Variants in LRMDA observed in about 807,000 individuals in gnomAD.
The protein encoded by LRMDA is leucine rich melanocyte differentiation associated.
A neutral mutation model predicts 29.8 loss-of-function variants in LRMDA; 18 were observed. The observed-to-expected ratio is 0.60, with a 90% CI of 0.42 to 0.90. The LOEUF is 0.90. Among genes scored for constraint, LRMDA ranks in the 40% least tolerant of loss-of-function variants. LRMDA has a pLI of 0.00. For synonymous variants in LRMDA, 125 were observed against 109.4 expected (o/e 1.14, Z -0.89); for missense variants, 273 against 273.9 (o/e 1.00, Z 0.02).
intron 5 of LRMDA, among the ~76,000 whole-genome samples, chr10:76,163,571 A>G (rs769689801): frequency 6.6e-6 from 1 of 152,172 alleles, no homozygotes; most frequent in Non-Finnish European, 1.5e-5. Context: ...AGTAGACAGA[A>G]GACATCTTTC....
chr10:75,527,733 T>C (rs1006518148), intron 2 of LRMDA, among the ~76,000 whole-genome samples: 36 of 147,262 alleles, frequency 2.4e-4, no homozygotes, highest in East Asian at 1.2e-3. Flanking sequence ...AATTATATAA[T>C]AATTATAATA....
At chr10:75,614,950 A>G (rs909403490) in intron 2 of LRMDA, among the ~76,000 whole-genome samples, 4 of 152,226 alleles carry the variant, frequency 2.6e-5, no homozygotes. Flanking sequence ...GTGCTCACCA[A>G]GCCTAGACCA....
rs182522805 is a variant in LRMDA, at chr10:76,283,994, T to C, written c.517-40407T>C. ...TGTTTTACTGCTGTTAGACAGAGAATATGAATGTAATTAGGGAGGCAATTC... is the reference window on the plus strand; with the variant it reads ...TGTTTTACTGCTGTTAGACAGAGAACATGAATGTAATTAGGGAGGCAATTC... On this transcript the variant is annotated intron_variant, in intron 5 of 6. Transcript: ENST00000611255. Among the ~76,000 whole-genome samples the C allele has an allele frequency of 7.6e-4, 115 of 152,230 alleles. 2 individuals carry two copies. The highest frequency in any genetic ancestry group is 2.7e-3 in the African/African-American group (114 of 41,550).
chr10:76,363,261 A>G (rs1322618014), intron 6 of LRMDA, among the ~76,000 whole-genome samples: 2 of 63,508 alleles, frequency 3.1e-5, no homozygotes, highest in East Asian at 5.2e-4. Flanking sequence ...GAAAGAAGGA[A>G]GGAAGGAAGG....
intron 5 of LRMDA, among the ~76,000 whole-genome samples, chr10:76,102,611 A>G (rs1332426555): frequency 3.3e-5 from 5 of 152,124 alleles, no homozygotes; most frequent in Admixed American, 6.5e-5. Flanking sequence ...TAAATGTACC[A>G]TATTTGCTTT....
At chr10:75,510,967 GT>G (rs1407228675) in intron 2 of LRMDA, among the ~76,000 whole-genome samples, 2 of 152,176 alleles carry the variant, frequency 1.3e-5, no homozygotes, top group Non-Finnish European at 2.9e-5. Flanking sequence ...CATGGTAACA[GT>G]CCCCCTTTTC....
At chr10:75,494,006 G>A (rs1589159778) in intron 2 of LRMDA, among the ~76,000 whole-genome samples, 4 of 152,072 alleles carry the variant, frequency 2.6e-5, no homozygotes, top group African/African-American at 9.6e-5. Context: ...CTCCCACCTT[G>A]GCCTCCTGAA....
In LRMDA at chr10:76,453,144, A is replaced by G. The variant is rs923348994; in HGVS notation, c.602-104065A>G. 5.9e-5 allele frequency among the ~76,000 whole-genome samples: 9 copies of G among 152,250 alleles called. 1 individual carries two copies. Among genetic ancestry groups the G allele is most frequent in the Admixed American group, 2.6e-4 (4 of 15,292 alleles). On this transcript the variant is annotated intron_variant, in intron 6 of 6. Transcript: ENST00000611255. The stretch of plus-strand genomic sequence containing the variant: ...AAGATAGTCATCATTAGCAGTGACC[A>G]GGATTCCCTGCAGGGCACAGTTCCA...
intron 6 of LRMDA, among the ~76,000 whole-genome samples, chr10:76,441,568 A>G (rs549464808): frequency 5.3e-5 from 8 of 152,324 alleles, no homozygotes; most frequent in East Asian, 3.9e-4. Flanking sequence ...ACGGTCATTC[A>G]TGTTCCCCAT....
chr10:76,474,639 A>G (rs886774747), intron 6 of LRMDA, among the ~76,000 whole-genome samples: 2 of 151,738 alleles, frequency 1.3e-5, no homozygotes, highest in African/African-American at 4.8e-5. Context: ...CAACATCATT[A>G]GCCATTAGGA....
chr10:76,052,663 G>T (rs544228188), intron 4 of LRMDA, among the ~76,000 whole-genome samples: 18 of 152,214 alleles, frequency 1.2e-4, no homozygotes, highest in Non-Finnish European at 2.1e-4. Context: ...CATTCTATGT[G>T]AGAAGAAAGA....
At chr10:75,783,754 G>A (rs1041739049) in intron 2 of LRMDA, among the ~76,000 whole-genome samples, 8 of 152,148 alleles carry the variant, frequency 5.3e-5, no homozygotes, top group African/African-American at 1.7e-4. Context: ...AGGTGAAAGC[G>A]CCAGGCACAT....
At chr10:76,248,210 A>T (rs1370887843) in intron 5 of LRMDA, among the ~76,000 whole-genome samples, 2 of 152,184 alleles carry the variant, frequency 1.3e-5, no homozygotes, top group African/African-American at 4.8e-5. Context: ...TGCTACTGGC[A>T]TGTAGTAGAT....
intron 2 of LRMDA, among the ~76,000 whole-genome samples, chr10:75,596,763 A>G (rs1338798761): frequency 6.6e-6 from 1 of 152,158 alleles, no homozygotes; most frequent in Non-Finnish European, 1.5e-5. Flanking sequence ...GTGCTATAGA[A>G]CACTGGAACT....
At chr10:75,633,137 G>A (rs1841348912) in intron 2 of LRMDA, among the ~76,000 whole-genome samples, 3 of 152,172 alleles carry the variant, frequency 2.0e-5, no homozygotes, top group African/African-American at 4.8e-5. Flanking sequence ...ACTTCGCAAA[G>A]TGACGGCTTT....
At chr10:76,149,135 G>T (rs1487895844) in intron 5 of LRMDA, among the ~76,000 whole-genome samples, 1 of 152,176 alleles carries the variant, frequency 6.6e-6, no homozygotes, top group East Asian at 1.9e-4. Flanking sequence ...TGGTTTGAAT[G>T]TTCATCTTCC....
At chr10:75,725,767 C>G (rs1279661241) in intron 2 of LRMDA, among the ~76,000 whole-genome samples, 1 of 152,170 alleles carries the variant, frequency 6.6e-6, no homozygotes, top group African/African-American at 2.4e-5. Flanking sequence ...AAACATTAAT[C>G]TTAATAATCA....
Position 76,523,415 on chromosome 10 carries a change from C to T in LRMDA, c.602-33794C>T, listed in dbSNP as rs142385130. Reference sequence around the variant, plus strand: ...GGCTTACCTCTTCCCTCAGGAAACACGCCGCTATTTAGCTGGGCACCTTCC... The same window carrying T: ...GGCTTACCTCTTCCCTCAGGAAACATGCCGCTATTTAGCTGGGCACCTTCC... On this transcript the variant is annotated intron_variant, in intron 6 of 6. Transcript: ENST00000611255. 5.3e-4 allele frequency among the ~76,000 whole-genome samples: 81 copies of T among 152,228 alleles called. 1 individual carries two copies. Among genetic ancestry groups the T allele is most frequent in the South Asian group, 4.4e-3 (21 of 4,824 alleles).
At chr10:76,272,602 AC>A (rs544560412) in intron 5 of LRMDA, among the ~76,000 whole-genome samples, 3 of 152,182 alleles carry the variant, frequency 2.0e-5, no homozygotes, top group Non-Finnish European at 4.4e-5. Context: ...CAGTCAAGGA[AC>A]CCTTTGTCAG....
Sources: allele counts gnomAD v4.1 joint callset (sites outside exome capture counted in the v4.1 genomes callset), GRCh38; gene constraint gnomAD v4.1.1; transcripts MANE v1.5; gene names NCBI Gene and HGNC (gene_info 2026-07-23, HGNC 2026-07-21).